Variants in MRAS observed in about 807,000 individuals in gnomAD.
The protein encoded by MRAS is ras-related protein M-Ras.
In MRAS, 4 loss-of-function variants were observed where a neutral mutation model predicts 20.9. The observed-to-expected ratio is 0.19, with a 90% CI of 0.09 to 0.44. MRAS has a LOEUF of 0.44. Among genes scored for constraint, MRAS ranks in the 20% least tolerant of loss-of-function variants. The pLI, the probability that MRAS is intolerant of heterozygous loss-of-function variation, is 0.99. For synonymous variants in MRAS, 98 were observed against 102.9 expected (o/e 0.95, Z 0.29); for missense variants, 154 against 277.5 (o/e 0.56, Z 3.16).
intron 1 of MRAS, among the ~76,000 whole-genome samples, chr3:138,351,445 G>C (rs758276941): frequency 2.2e-4 from 33 of 152,174 alleles, no homozygotes; most frequent in Non-Finnish European, 4.6e-4. Context: ...GGAGCTGGAG[G>C]AGTTCCCTGA....
intron 2 of MRAS, among the ~76,000 whole-genome samples, chr3:138,378,902 A>G (rs182384958): frequency 1.3e-4 from 20 of 152,158 alleles, no homozygotes; most frequent in Non-Finnish European, 2.9e-4. Flanking sequence ...GTCCCTGGCA[A>G]CCACTATTCT....
At chr3:138,381,683 G>A (rs1338130952) in intron 2 of MRAS, among the ~76,000 whole-genome samples, 2 of 152,176 alleles carry the variant, frequency 1.3e-5, no homozygotes, top group African/African-American at 2.4e-5. Flanking sequence ...CTCTGTCTCC[G>A]ACTCCCCAGC....
intron 1 of MRAS, among the ~76,000 whole-genome samples, chr3:138,362,270 G>C (rs2054464770): frequency 6.6e-6 from 1 of 152,184 alleles, no homozygotes; most frequent in African/African-American, 2.4e-5. Context: ...GAGTGGGGCA[G>C]TGTTTTCATT....
At chr3:138,381,895 G>C (rs999637762) in intron 2 of MRAS, among the ~76,000 whole-genome samples, 2 of 152,176 alleles carry the variant, frequency 1.3e-5, no homozygotes, top group African/African-American at 4.8e-5. Context: ...ACATTTGAAG[G>C]GCAGGGAGAG....
chr3:138,375,865 T>TATAAAA (rs1199199430), intron 2 of MRAS, among the ~76,000 whole-genome samples: 1 of 151,872 alleles, frequency 6.6e-6, no homozygotes, highest in Non-Finnish European at 1.5e-5. Flanking sequence ...CAACTAAAAA[T>TATAAAA]ATAAAAATTA....
intron 2 of MRAS, among the ~76,000 whole-genome samples, chr3:138,384,651 G>A (rs1269674219): frequency 6.6e-6 from 1 of 152,184 alleles, no homozygotes; most frequent in Admixed American, 6.5e-5. Context: ...TAAGCCTGTA[G>A]GAGGGGAGAC....
chr3:138,402,215 A>G lies in MRAS; in HGVS notation c.573A>G (p.Lys191=). 1 of 1,614,202 alleles carries G rather than the reference A, an allele frequency of 6.2e-7. No homozygotes were observed. Among genetic ancestry groups the G allele is most frequent in the Non-Finnish European group, 8.5e-7 (1 of 1,180,018 alleles). The part of the protein sequence containing the change: ...EKSQKKKKKT[K]WRGDRATGTH... ...GCCAGAAGAAGAAGAAGAAAACCAA[A>G]TGGCGGGGAGACCGGGCCACAGGCA... The change falls in exon 6 of 6, where the codon AAA becomes AAG. Residue 191 remains lysine (K), a synonymous_variant. Coordinates refer to ENST00000423968, the MANE Select transcript of MRAS (RefSeq NM_001085049.3).
intron 5 of MRAS, among the ~76,000 whole-genome samples, chr3:138,401,545 A>AAGGTGG (rs1274126351): frequency 6.6e-6 from 1 of 152,206 alleles, no homozygotes; most frequent in Non-Finnish European, 1.5e-5. Context: ...CTCAGAGGCA[A>AAGGTGG]AGGTGGAGGT....
intron 2 of MRAS, among the ~76,000 whole-genome samples, chr3:138,374,280 C>CAAA (rs2054737801): frequency 6.6e-6 from 1 of 152,090 alleles, no homozygotes; most frequent in South Asian, 2.1e-4. Flanking sequence ...TTGTAGTTTT[C>CAAA]AGTGCATAGG....
chr3:138,359,571 A>G (rs539834211), intron 1 of MRAS, among the ~76,000 whole-genome samples: 1 of 152,344 alleles, frequency 6.6e-6, no homozygotes, highest in South Asian at 2.1e-4. Context: ...TTAAATATAA[A>G]TAATGAAAAC....
intron 4 of MRAS, among the ~76,000 whole-genome samples, chr3:138,399,051 G>A (rs1296180731): frequency 6.6e-6 from 1 of 152,250 alleles, no homozygotes; most frequent in Non-Finnish European, 1.5e-5. Context: ...AGGGGCATCT[G>A]CCATGGCCGG....
intron 1 of MRAS, among the ~76,000 whole-genome samples, chr3:138,353,049 C>T (rs1422920798): frequency 6.6e-6 from 1 of 152,178 alleles, no homozygotes; most frequent in African/African-American, 2.4e-5. Flanking sequence ...AAGGAGCCCC[C>T]TGAGTGTATT....
Position 138,402,948 on chromosome 3 carries a change from G to A in MRAS, c.*679G>A, listed in dbSNP as rs2055390732. On this transcript the variant is annotated 3_prime_UTR_variant, in exon 6 of 6. Coordinates refer to ENST00000423968, the MANE Select transcript of MRAS (RefSeq NM_001085049.3). ...ATGGGTCAAACCTGGGAGGGAAAGA[G>A]ACCCTACACATGGCCTAGAAATGAG... The A allele has an allele frequency of 6.6e-6, 1 of 152,606 alleles. No homozygotes were observed. The highest frequency in any genetic ancestry group is 1.5e-5 in the Non-Finnish European group (1 of 68,036). The allele number at this position is 152,606 out of a possible 1,614,324, so 9.5% of individuals were successfully genotyped here.
At chr3:138,398,765 A>G (rs559457428) in intron 4 of MRAS, among the ~76,000 whole-genome samples, 197 bp downstream of exon 4, 14 of 152,230 alleles carry the variant, frequency 9.2e-5, no homozygotes, top group African/African-American at 3.4e-4. Context: ...AATGGTAGAG[A>G]CAGGTCCCCT....
chr3:138,358,888 T>C (rs976066891), intron 1 of MRAS, among the ~76,000 whole-genome samples: 12 of 152,208 alleles, frequency 7.9e-5, no homozygotes, highest in African/African-American at 2.9e-4. Context: ...ACGGTCATTA[T>C]AATGACCATC....
rs932039816 is a variant in MRAS at position 138,391,777 on chromosome 3, C to G, written c.194-5547C>G. 2.6e-5 allele frequency among the ~76,000 whole-genome samples: 4 copies of G among 152,296 alleles called. No homozygotes were observed. In the South Asian group the frequency reaches 8.3e-4, roughly 32 times the overall value. The stretch of plus-strand genomic sequence containing the variant: ...AAAACTTAGCCTATAGGATTTCTGC[C>G]TTCTGGAATTTGTTGAAATTTTTAT... On this transcript the variant is annotated intron_variant, in intron 2 of 5. Transcript: ENST00000423968.
chr3:138,364,189 G>A (rs1332025356), intron 1 of MRAS, among the ~76,000 whole-genome samples: 6 of 152,148 alleles, frequency 3.9e-5, no homozygotes, highest in South Asian at 2.1e-4. Context: ...CTAGCCTTCC[G>A]AGAAGGGAGA....
intron 2 of MRAS, among the ~76,000 whole-genome samples, chr3:138,396,158 G>A (rs2055231292): frequency 1.3e-5 from 2 of 152,214 alleles, no homozygotes; most frequent in African/African-American, 4.8e-5. Context: ...CAGAGCGGGA[G>A]AGAAGACCCC....
At chr3:138,374,877 A>G (rs1378005845) in intron 2 of MRAS, among the ~76,000 whole-genome samples, 2 of 152,074 alleles carry the variant, frequency 1.3e-5, no homozygotes, top group African/African-American at 2.4e-5. Flanking sequence ...GGTAAATTAC[A>G]TTGATTGTTT....
Sources: gnomAD v4.1 joint callset for allele counts (sites outside exome capture counted in the v4.1 genomes callset) on GRCh38, gnomAD v4.1.1 for gene constraint, MANE v1.5 for transcripts, NCBI Gene and HGNC (gene_info 2026-07-23, HGNC 2026-07-21) for gene names.